The following FAM124A variants were observed in gnomAD, a reference collection of about 807,000 sequenced individuals.
FAM124A encodes protein FAM124A.
Under a neutral mutation model 24.5 loss-of-function variants are expected in FAM124A, and 23 were observed. That is an observed-to-expected ratio of 0.94 (90% CI 0.68 to 1.33). FAM124A has a LOEUF of 1.33. Ranked by LOEUF, FAM124A falls within the 40% of genes most tolerant of loss-of-function variation. The pLI is 0.00. For synonymous variants in FAM124A, 287 were observed against 314.7 expected (o/e 0.91, Z 0.93); for missense variants, 623 against 722.8 (o/e 0.86, Z 1.58).
chr13:51,231,355 T>TA lies in FAM124A; in HGVS notation c.77dup (p.Tyr26Ter), dbSNP rs1954374735. Residue 26 changes from tyrosine (Y) to a stop codon, truncating the protein, a stop_gained and frameshift_variant, in exon 2 of 4, where the codon TAC becomes TAAC. Coordinates refer to ENST00000322475, the MANE Select transcript of FAM124A (RefSeq NM_001242312.2). LOFTEE classifies it high-confidence loss of function. The part of the protein sequence containing the change: ...DSGAETGGSD[Y>*]SHLSSTSSEL... ...TGAGGTCTTGTGTTTCAGGTCCGAC[T>TA]ACAGCCACCTGTCCTCCACGAGCAG... 6.2e-7 allele frequency: 1 copy of TA among 1,613,734 alleles called. No homozygotes were observed. Among genetic ancestry groups the TA allele is most frequent in the African/African-American group, 1.3e-5 (1 of 74,904 alleles).
At chr13:51,257,190 TGTATACCCAGA>T (rs1954684244) in intron 3 of FAM124A, among the ~76,000 whole-genome samples, 1 of 152,240 alleles carries the variant, frequency 6.6e-6, no homozygotes, top group Non-Finnish European at 1.5e-5. Flanking sequence ...TTCTTTTGCA[TGTATACCCAGA>T]AGTGGAATTG....
At chr13:51,275,231 G>T (rs1954875696) in intron 3 of FAM124A, among the ~76,000 whole-genome samples, 2 of 148,634 alleles carry the variant, frequency 1.3e-5, no homozygotes, top group South Asian at 4.3e-4. Context: ...AAAAAAAATT[G>T]GCTGAGCATA....
intron 3 of FAM124A, among the ~76,000 whole-genome samples, chr13:51,280,124 G>A (rs573801089): frequency 1.3e-5 from 2 of 152,294 alleles, no homozygotes; most frequent in African/African-American, 2.4e-5. Context: ...TCTTATCTCC[G>A]TTATCCTGCT....
intron 1 of FAM124A, among the ~76,000 whole-genome samples, chr13:51,228,526 T>C (rs565951318): frequency 2.6e-5 from 4 of 152,344 alleles, no homozygotes; most frequent in African/African-American, 9.6e-5. Context: ...GAATGTCTTA[T>C]GCATAGCCAG....
At chr13:51,249,645 A>G (rs1258068896) in intron 2 of FAM124A, among the ~76,000 whole-genome samples, 1 of 152,218 alleles carries the variant, frequency 6.6e-6, no homozygotes, top group Non-Finnish European at 1.5e-5. Flanking sequence ...CTTTATTGGA[A>G]ATTTAGGAGA....
rs1183170385 is a variant in FAM124A at position 51,282,240 on chromosome 13, T to C, written c.*984T>C. On this transcript the variant is annotated 3_prime_UTR_variant, in exon 4 of 4. Coordinates refer to ENST00000322475, the MANE Select transcript of FAM124A (RefSeq NM_001242312.2). ...GCATCCTATGTTTCTCATTTTTAAA[T>C]GATTTGGAACATTTTAGCCAGCATT... 6.6e-6 allele frequency: 1 copy of C among 152,246 alleles called. No homozygotes were observed. The allele number at this position is 152,246 out of a possible 1,614,324, so 9.4% of individuals were successfully genotyped here.
intron 2 of FAM124A, among the ~76,000 whole-genome samples, chr13:51,238,854 ATC>A (rs1954462413): frequency 6.6e-6 from 1 of 152,270 alleles, no homozygotes; most frequent in East Asian, 1.9e-4. Flanking sequence ...AAAGATATGC[ATC>A]AGGAAATCAC....
At chr13:51,268,746 C>A (rs886628174) in intron 3 of FAM124A, among the ~76,000 whole-genome samples, 45 of 151,984 alleles carry the variant, frequency 3.0e-4, no homozygotes, top group African/African-American at 8.5e-4. Flanking sequence ...CCTTTAGTGG[C>A]TTTCTTTCCT....
Position 51,281,152 on chromosome 13 carries a change from C to T in FAM124A, c.1537C>T (p.Leu513Phe). ...TSTLTDSSPQ[L>F]PCDTPKVKQT... The stretch of plus-strand genomic sequence containing the variant: ...CACCCTCACAGACTCCTCCCCACAG[C>T]TCCCATGCGATACCCCCAAAGTCAA... The change falls in exon 4 of 4, where the codon CTC becomes TTC. Residue 513 changes from leucine (L) to phenylalanine (F), a missense_variant. Leu to Phe is a conservative substitution (Grantham distance 22). Coordinates refer to ENST00000322475, the MANE Select transcript of FAM124A (RefSeq NM_001242312.2). 1 of 1,614,060 alleles carries T rather than the reference C, an allele frequency of 6.2e-7. No homozygotes were observed. Among genetic ancestry groups the T allele is most frequent in the Non-Finnish European group, 8.5e-7 (1 of 1,180,006 alleles).
At position 51,281,973 on chromosome 13, in the gene FAM124A, C is replaced by G. The variant is rs1390381380; in HGVS notation, c.*717C>G. ...GTTCCAGAAAGTAGATTTGCATACA[C>G]CTTTTCAACAGCACATTTCACTGGA... On this transcript the variant is annotated 3_prime_UTR_variant, in exon 4 of 4. Coordinates refer to ENST00000322475, the MANE Select transcript of FAM124A (RefSeq NM_001242312.2). The G allele has an allele frequency of 6.6e-6, 1 of 152,182 alleles. No homozygotes were observed. Among genetic ancestry groups the G allele is most frequent in the African/African-American group, 2.4e-5 (1 of 41,444 alleles). 9.4% of individuals were successfully genotyped at this position (152,182 alleles called of 1,614,324 possible).
intron 2 of FAM124A, among the ~76,000 whole-genome samples, chr13:51,245,029 C>A (rs953951756): frequency 7.9e-5 from 12 of 152,168 alleles, no homozygotes; most frequent in African/African-American, 2.9e-4. Flanking sequence ...TGTGGACACA[C>A]AAGGAGTGAG....
Position 51,281,218 on chromosome 13 carries a change from G to A in FAM124A, c.1603G>A (p.Gly535Ser), listed in dbSNP as rs1378377126. 1 of 1,598,984 alleles carries A rather than the reference G, an allele frequency of 6.3e-7. No individual in the cohort carries two copies. Residue 535 changes from glycine to serine, a missense_variant, in exon 4 of 4, where the codon GGC becomes AGC. By Grantham distance (56) the Gly-to-Ser change is moderately conservative. Coordinates refer to ENST00000322475, the MANE Select transcript of FAM124A (RefSeq NM_001242312.2). ...CATGCCACCACCCCCAGGGTCGGCT[G>A]GCCCCGGGGATAACGACATGGAGGA... Reference protein sequence around the residue: ...GDMPPPPGSAGPGDNDMEEFY... With the variant: ...GDMPPPPGSASPGDNDMEEFY...
chr13:51,242,045 C>A (rs1287003558), intron 2 of FAM124A, among the ~76,000 whole-genome samples: 1 of 152,204 alleles, frequency 6.6e-6, no homozygotes, highest in Non-Finnish European at 1.5e-5. Context: ...TGAACAAATC[C>A]TTGGGATAGG....
intron 3 of FAM124A, among the ~76,000 whole-genome samples, chr13:51,265,363 G>T (rs1411161653): frequency 6.6e-6 from 1 of 151,244 alleles, no homozygotes; most frequent in Non-Finnish European, 1.5e-5. Context: ...GCCAGGTGAA[G>T]CTGAAAATGG....
At chr13:51,257,385 A>C (rs1566170273) in intron 3 of FAM124A, among the ~76,000 whole-genome samples, 1 of 152,234 alleles carries the variant, frequency 6.6e-6, no homozygotes, top group Non-Finnish European at 1.5e-5. Context: ...GGTATTCTCC[A>C]CTAGGAGGTG....
At chr13:51,222,840 C>G (rs934501874) in intron 1 of FAM124A, among the ~76,000 whole-genome samples, 1 of 152,190 alleles carries the variant, frequency 6.6e-6, no homozygotes, top group African/African-American at 2.4e-5. Flanking sequence ...TGCAAAGACC[C>G]CTTGTCTGCA....
intron 2 of FAM124A, among the ~76,000 whole-genome samples, chr13:51,242,742 A>G (rs769510749): frequency 6.6e-6 from 1 of 152,310 alleles, no homozygotes; most frequent in East Asian, 1.9e-4. Context: ...TATCTAAAGT[A>G]TCTGCCTTAC....
At chr13:51,268,837 G>T (rs1028028318) in intron 3 of FAM124A, among the ~76,000 whole-genome samples, 10 of 152,208 alleles carry the variant, frequency 6.6e-5, no homozygotes, top group African/African-American at 2.4e-4. Context: ...ATTTTAGACA[G>T]CTGGGGCTTC....
intron 2 of FAM124A, among the ~76,000 whole-genome samples, chr13:51,248,773 CG>C (rs1954590687): frequency 6.6e-6 from 1 of 152,120 alleles, no homozygotes; most frequent in African/African-American, 2.4e-5. Flanking sequence ...TGGGGAAATA[CG>C]CCACCCATTT....
Sources: gnomAD v4.1 joint callset for allele counts (sites outside exome capture counted in the v4.1 genomes callset) on GRCh38, gnomAD v4.1.1 for gene constraint, MANE v1.5 for transcripts, NCBI Gene and HGNC (gene_info 2026-07-23, HGNC 2026-07-21) for gene names.